DYNC2H1: variants seen among roughly 807,000 people sequenced by gnomAD.
The protein encoded by DYNC2H1 is dynein cytoplasmic 2 heavy chain 1, also known as cytoplasmic dynein 2 heavy chain 1.
Under a neutral mutation model 570.0 loss-of-function variants are expected in DYNC2H1, and 410 were observed. The observed-to-expected ratio is 0.72, with a 90% CI of 0.66 to 0.78. The LOEUF is 0.78. Among genes scored for constraint, DYNC2H1 ranks in the 30% least tolerant of loss-of-function variants. The pLI is 0.00. For missense variants in DYNC2H1, 4,865 were observed against 5,046.4 expected (o/e 0.96, Z 1.09); for synonymous variants, 1,688 against 1,677.6 (o/e 1.01, Z -0.15).
rs1318830854 is a variant in DYNC2H1 at position 103,163,183 on chromosome 11, G to A, written c.4611+36G>A. 1.9e-6 allele frequency: 3 copies of A among 1,574,922 alleles called. No individual in the cohort carries two copies. The Admixed American group carries it at 5.4e-5, about 29-fold the overall frequency. ...TTACGTGTAGAAGCTACATAGGCAT[G>A]GAACGTGGAAAGATCCCTGACCTAG... is the stretch of plus-strand genomic sequence containing the variant. On this transcript the variant is annotated intron_variant, in intron 30 of 88. Transcript: ENST00000375735. This position sits in a 1 kb window ranked among gnomAD's most constrained non-coding sequence, Gnocchi z 4.6.
rs537658465 is a variant in DYNC2H1 at position 103,420,269 on chromosome 11, A to AT, written c.12367-15672dup. ...CCCCAACCTAGCAAGACAGGCCAAC[A>AT]TTCAAATTCAAGAAATGTAGAGAAC... On this transcript the variant is annotated intron_variant, in intron 84 of 88. Transcript: ENST00000375735. Among the ~76,000 whole-genome samples the AT allele has an allele frequency of 1.2e-3, 185 of 152,248 alleles. 1 individual carries two copies. The highest frequency in any genetic ancestry group is 2.1e-3 in the Non-Finnish European group (142 of 68,016).
intron 70 of DYNC2H1, among the ~76,000 whole-genome samples, chr11:103,276,429 T>C (rs1476689387): frequency 6.6e-6 from 1 of 152,116 alleles, no homozygotes; most frequent in Non-Finnish European, 1.5e-5. Flanking sequence ...TGGGAAAAGC[T>C]ATATAAATTA....
At chr11:103,460,756 A>T (rs994494213) in intron 87 of DYNC2H1, among the ~76,000 whole-genome samples, 27 of 151,458 alleles carry the variant, frequency 1.8e-4, no homozygotes, top group Non-Finnish European at 3.2e-4. Context: ...TATGATTAAG[A>T]TTTATATAGT....
At chr11:103,429,683 G>T (rs1264708123) in intron 84 of DYNC2H1, among the ~76,000 whole-genome samples, 1 of 152,172 alleles carries the variant, frequency 6.6e-6, no homozygotes, top group Non-Finnish European at 1.5e-5. Flanking sequence ...TTCTAATTAT[G>T]TATGTTTGTG....
intron 70 of DYNC2H1, among the ~76,000 whole-genome samples, chr11:103,260,386 C>T (rs1865223802): frequency 6.6e-6 from 1 of 152,098 alleles, no homozygotes; most frequent in Non-Finnish European, 1.5e-5. Flanking sequence ...GCATTCCTTC[C>T]CATCAATTGT....
chr11:103,393,774 G>T (rs1389114543), intron 83 of DYNC2H1, among the ~76,000 whole-genome samples: 1 of 152,182 alleles, frequency 6.6e-6, no homozygotes, highest in South Asian at 2.1e-4. Context: ...TGAACTTATA[G>T]TTCCATATGG....
chr11:103,169,742 T>G (rs990195127), intron 32 of DYNC2H1, among the ~76,000 whole-genome samples: 1 of 152,166 alleles, frequency 6.6e-6, no homozygotes, highest in Non-Finnish European at 1.5e-5. Flanking sequence ...GTGGATATCA[T>G]AAGAGTCAAG....
At chr11:103,222,636 T>C (rs1244602705) in intron 58 of DYNC2H1, among the ~76,000 whole-genome samples, 2 of 152,160 alleles carry the variant, frequency 1.3e-5, no homozygotes, top group Non-Finnish European at 2.9e-5. Context: ...ATCACATGTA[T>C]AGAAGAAAAA....
chr11:103,341,834 G>T (rs531911113), intron 82 of DYNC2H1, among the ~76,000 whole-genome samples: 55 of 152,242 alleles, frequency 3.6e-4, no homozygotes, highest in African/African-American at 1.2e-3. Context: ...CTAATGTTGT[G>T]CACTTGTAAA....
At chr11:103,238,806 CA>C (rs2135209138) in intron 63 of DYNC2H1, among the ~76,000 whole-genome samples, 1 of 152,272 alleles carries the variant, frequency 6.6e-6, no homozygotes, top group African/African-American at 2.4e-5. Context: ...GGTCTTACAA[CA>C]GGAATTAGTT....
intron 47 of DYNC2H1, among the ~76,000 whole-genome samples, chr11:103,193,638 G>A (rs1862406079): frequency 6.6e-6 from 1 of 151,776 alleles, no homozygotes; most frequent in South Asian, 2.1e-4. Context: ...CCGCCTCCCG[G>A]GTTTAACTGA....
chr11:103,181,920 G>T lies in DYNC2H1; in HGVS notation c.6477+34G>T. 1 of 1,587,206 alleles carries T rather than the reference G, an allele frequency of 6.3e-7. No individual in the cohort carries two copies. Among genetic ancestry groups the T allele is most frequent in the East Asian group, 2.3e-5 (1 of 43,988 alleles). On this transcript the variant is annotated intron_variant, in intron 40 of 88. Coordinates refer to ENST00000375735, the MANE Select transcript of DYNC2H1 (RefSeq NM_001377.3). This position sits in a 1 kb window ranked among gnomAD's most constrained non-coding sequence, Gnocchi z 5.0. ...ACCATAATATTTCATAATTAATCGAGGTGAGAAGTATGATTAAGAGTGATG... is the reference window on the plus strand; with the variant it reads ...ACCATAATATTTCATAATTAATCGATGTGAGAAGTATGATTAAGAGTGATG...
At chr11:103,339,238 G>A (rs560707056) in intron 82 of DYNC2H1, among the ~76,000 whole-genome samples, 2 of 151,992 alleles carry the variant, frequency 1.3e-5, no homozygotes, top group South Asian at 4.2e-4. Context: ...CAGTCCTGTG[G>A]TCGGCACAGT....
intron 79 of DYNC2H1, among the ~76,000 whole-genome samples, chr11:103,312,617 A>T (rs1867653853): frequency 6.6e-6 from 1 of 151,526 alleles, no homozygotes; most frequent in Non-Finnish European, 1.5e-5. Flanking sequence ...ACATATTTAC[A>T]TAGTAATTTG....
intron 83 of DYNC2H1, among the ~76,000 whole-genome samples, chr11:103,384,910 A>G (rs1941811897): frequency 1.3e-5 from 2 of 152,080 alleles, no homozygotes; most frequent in South Asian, 4.1e-4. Context: ...TTGAGTTTTT[A>G]TCTGAAAATG....
At chr11:103,206,406 C>T (rs974656653) in intron 52 of DYNC2H1, among the ~76,000 whole-genome samples, 1 of 151,940 alleles carries the variant, frequency 6.6e-6, no homozygotes, top group Non-Finnish European at 1.5e-5. Context: ...CCTGGAGCTC[C>T]AGGGGTCAGG....
At chr11:103,191,482 A>C (rs750162099) in intron 45 of DYNC2H1, 35 bp from the exon 46 acceptor site, 1 of 1,462,910 alleles carries the variant, frequency 6.8e-7, no homozygotes, top group East Asian at 2.4e-5. Flanking sequence ...TATTTAAGGC[A>C]GTAGAAAGAT....
At chr11:103,251,109 C>T (rs570550182) in intron 65 of DYNC2H1, among the ~76,000 whole-genome samples, 3 of 151,786 alleles carry the variant, frequency 2.0e-5, no homozygotes, top group South Asian at 2.1e-4. Flanking sequence ...TTTGCTTTAT[C>T]GTGTATTGAG....
intron 63 of DYNC2H1, among the ~76,000 whole-genome samples, chr11:103,236,934 A>C (rs929005632): frequency 1.3e-5 from 2 of 151,976 alleles, no homozygotes; most frequent in Non-Finnish European, 2.9e-5. Flanking sequence ...AAAAGTGAAG[A>C]TAAGTTTTGG....
Sources: gnomAD v4.1 joint callset for allele counts (sites outside exome capture counted in the v4.1 genomes callset) on GRCh38, gnomAD v4.1.1 for gene constraint, Gnocchi (gnomAD v3.1) non-coding constraint, MANE v1.5 for transcripts, NCBI Gene and HGNC (gene_info 2026-07-23, HGNC 2026-07-21) for gene names.